Variants in ATP6V0A4 observed in about 807,000 individuals in gnomAD.
ATP6V0A4 encodes V-type proton ATPase 116 kDa subunit a 4.
Under a neutral mutation model 107.3 loss-of-function variants are expected in ATP6V0A4, and 86 were observed. That is an observed-to-expected ratio of 0.80 (90% CI 0.67 to 0.96). The LOEUF (loss-of-function observed/expected upper bound fraction) is 0.96, where lower values mean the gene tolerates loss of function less well. Among genes scored for constraint, ATP6V0A4 ranks in the 40% least tolerant of loss-of-function variants. The pLI is 0.00. For synonymous variants in ATP6V0A4, 353 were observed against 381.4 expected, an observed-to-expected ratio of 0.93 and a Z score of 0.87; for missense variants, 908 against 1,045.6, an observed-to-expected ratio of 0.87 and a Z score of 1.81.
chr7:138,782,665 G>C (rs1390137681), intron 2 of ATP6V0A4, among the ~76,000 whole-genome samples: 1 of 152,182 alleles, frequency 6.6e-6, no homozygotes, highest in Non-Finnish European at 1.5e-5. Context: ...TTCATGAAGG[G>C]GAGGGCTGAG....
intron 19 of ATP6V0A4, 25 bp from the exon 20 acceptor site, chr7:138,715,906 A>T (rs1416162972): frequency 6.2e-7 from 1 of 1,610,328 alleles, no homozygotes; most frequent in Admixed American, 1.7e-5. Flanking sequence ...TGTTTATTTT[A>T]CTTCATTGAG....
chr7:138,771,052 C>A, intron 3 of ATP6V0A4, 79 bp downstream of exon 3: 1 of 1,354,300 alleles, frequency 7.4e-7, no homozygotes, highest in Non-Finnish European at 1.1e-6. Flanking sequence ...GGTTATTGTT[C>A]ACCATAAAGA....
intron 2 of ATP6V0A4, among the ~76,000 whole-genome samples, chr7:138,780,853 C>T (rs752976472): frequency 2.0e-4 from 31 of 151,692 alleles, no homozygotes; most frequent in South Asian, 4.2e-4. Context: ...TGCTATGATC[C>T]GAGATCATGC....
intron 17 of ATP6V0A4, among the ~76,000 whole-genome samples, chr7:138,730,320 G>T (rs943620624): frequency 2.7e-5 from 4 of 149,856 alleles, no homozygotes; most frequent in Non-Finnish European, 5.9e-5. Flanking sequence ...TTCCCCCGAT[G>T]ACGTACAAAG....
intron 3 of ATP6V0A4, 108 bp downstream of exon 3, chr7:138,771,023 G>T: frequency 8.9e-7 from 1 of 1,120,050 alleles, no homozygotes; most frequent in Non-Finnish European, 1.3e-6. Context: ...CCAGCTCACG[G>T]CTCCTCTCCC....
At chr7:138,751,437 T>C (rs1024321854) in intron 11 of ATP6V0A4, among the ~76,000 whole-genome samples, 1 of 151,870 alleles carries the variant, frequency 6.6e-6, no homozygotes, top group Non-Finnish European at 1.5e-5. Flanking sequence ...TTGTACTATT[T>C]AGGGCAGGAG....
intron 20 of ATP6V0A4, among the ~76,000 whole-genome samples, chr7:138,712,897 C>A (rs1290806504): frequency 6.6e-6 from 1 of 152,102 alleles, no homozygotes; most frequent in Non-Finnish European, 1.5e-5. Flanking sequence ...ACCAACATTA[C>A]CACCACTGAC....
chr7:138,735,968 AG>A (rs1805296942), intron 15 of ATP6V0A4, among the ~76,000 whole-genome samples: 2 of 150,506 alleles, frequency 1.3e-5, no homozygotes, highest in Non-Finnish European at 3.0e-5. Context: ...CTCAGGAGGC[AG>A]AGGCAGAAGA....
chr7:138,775,140 G>A (rs1807601829), intron 2 of ATP6V0A4, among the ~76,000 whole-genome samples: 2 of 145,588 alleles, frequency 1.4e-5, no homozygotes, highest in South Asian at 4.2e-4. Flanking sequence ...TGAGTGAGGG[G>A]GGTGCTTTTT....
intron 2 of ATP6V0A4, among the ~76,000 whole-genome samples, chr7:138,775,637 T>A (rs1807622745): frequency 7.2e-6 from 1 of 138,958 alleles, no homozygotes; most frequent in African/African-American, 2.7e-5. Context: ...TCACTATGAT[T>A]GGGCTGATTT....
At chr7:138,744,998 T>C (rs1044978022) in intron 14 of ATP6V0A4, 125 bp downstream of exon 14, 1 of 904,718 alleles carries the variant, frequency 1.1e-6, no homozygotes, top group Non-Finnish European at 1.8e-6. Context: ...CCACTGAGCC[T>C]GGCCTATTTG....
chr7:138,732,977 A>G lies in ATP6V0A4; in HGVS notation c.1808T>C (p.Val603Ala). The change falls in exon 17 of 22, where the codon GTC becomes GCC. Residue 603 changes from valine (V) to alanine (A), a missense_variant. Transcript: ENST00000310018. The part of the protein sequence containing the change: ...MIIFKWCCFD[V>A]HVSQHAPSIL... ...GCTGGGGGCGTGCTGAGATACATGG[A>G]CGTCAAAGCAGCACCATTTGAAAAT... 6.2e-7 allele frequency: 1 copy of G among 1,613,770 alleles called. No individual in the cohort carries two copies. Among genetic ancestry groups the G allele is most frequent in the Non-Finnish European group, 8.5e-7 (1 of 1,179,744 alleles).
intron 17 of ATP6V0A4, among the ~76,000 whole-genome samples, chr7:138,729,481 G>A (rs1399201989): frequency 6.6e-6 from 1 of 152,032 alleles, no homozygotes; most frequent in East Asian, 1.9e-4. Flanking sequence ...ACTCACTCTC[G>A]GTCTCTCTCG....
intron 3 of ATP6V0A4, 138 bp downstream of exon 3, chr7:138,770,993 A>C (rs1428059813): frequency 2.1e-6 from 2 of 952,704 alleles, no homozygotes; most frequent in Admixed American, 3.4e-5. Flanking sequence ...AAGCACTAAA[A>C]CTACAGAATT....
rs777871664 is a variant in ATP6V0A4 at position 138,747,573 on chromosome 7, G to A, written c.1181-9C>T. 9.9e-6 allele frequency: 16 copies of A among 1,613,674 alleles called. No individual in the cohort carries two copies. The African/African-American group carries it at 1.1e-4, about 11-fold the overall frequency. ...GATGATGGTGTAGGGGGCTGCGGAGGGGAGACACACAACGCCTGAGGCCTC... is the reference window on the plus strand; with the variant it reads ...GATGATGGTGTAGGGGGCTGCGGAGAGGAGACACACAACGCCTGAGGCCTC... On this transcript the variant is annotated splice_polypyrimidine_tract_variant and intron_variant, in intron 12 of 21. Coordinates refer to ENST00000310018, the MANE Select transcript of ATP6V0A4 (RefSeq NM_020632.3).
At chr7:138,794,897 A>AT (rs34650343) in intron 1 of ATP6V0A4, among the ~76,000 whole-genome samples, 6,718 of 103,990 alleles carry the variant, frequency 0.065, 293 homozygotes, top group African/African-American at 0.14. Flanking sequence ...AGCCCACCCT[A>AT]TTTTTTTTTT....
chr7:138,729,932 G>A (rs146005346), intron 17 of ATP6V0A4, among the ~76,000 whole-genome samples: 76 of 152,232 alleles, frequency 5.0e-4, no homozygotes, highest in Admixed American at 1.2e-3. Context: ...TGCCTAGGCT[G>A]GAGTGCAGTG....
intron 10 of ATP6V0A4, among the ~76,000 whole-genome samples, chr7:138,755,011 C>T (rs1050767860): frequency 8.5e-5 from 13 of 152,230 alleles, no homozygotes; most frequent in African/African-American, 3.1e-4. Flanking sequence ...TCAATAGCCA[C>T]ATGTGGCTCG....
At position 138,747,497 on chromosome 7, in the gene ATP6V0A4, G is replaced by C. The variant is rs748216034; in HGVS notation, c.1248C>G (p.Thr416=). ...AVMFGDCGHG[T]VMLLAALWMI... ...TCCAAAGTGCAGCCAGGAGCATCACGGTTCCATGACCACAGTCTCCAAACA... is the reference window on the plus strand; with the variant it reads ...TCCAAAGTGCAGCCAGGAGCATCACCGTTCCATGACCACAGTCTCCAAACA... Residue 416 remains threonine (T), a synonymous_variant, in exon 13 of 22, where the codon ACC becomes ACG. Transcript: ENST00000310018. The C allele has an allele frequency of 1.2e-6, 2 of 1,613,960 alleles. No homozygotes were observed. Among genetic ancestry groups the C allele is most frequent in the African/African-American group, 1.3e-5 (1 of 74,896 alleles).
Sources: gnomAD v4.1 joint callset for allele counts (sites outside exome capture counted in the v4.1 genomes callset) on GRCh38, gnomAD v4.1.1 for gene constraint, MANE v1.5 for transcripts, NCBI Gene and HGNC (gene_info 2026-07-23, HGNC 2026-07-21) for gene names.